SOD2: variants seen among roughly 807,000 people sequenced by gnomAD.
SOD2 encodes the protein superoxide dismutase [Mn], mitochondrial.
A neutral mutation model predicts 27.0 loss-of-function variants in SOD2; 11 were observed. The observed-to-expected ratio is 0.41, with a 90% CI of 0.26 to 0.67. SOD2 has a LOEUF of 0.67. Ranked by LOEUF, SOD2 falls within the 30% of genes least tolerant of loss-of-function variation. The pLI is 0.34. For synonymous variants in SOD2, 105 were observed against 103.0 expected, an observed-to-expected ratio of 1.02 and a Z score of -0.12; for missense variants, 250 against 274.5, an observed-to-expected ratio of 0.91 and a Z score of 0.63.
chr6:159,751,008 G>A lies in SOD2; in HGVS notation c.-335-2332C>T, dbSNP rs1202264868. ...CAGTTAAAATATTTCATTCATGTGA[G>A]AATGCACACATTTTAGAGTGTTTAG... On this transcript the variant is annotated intron_variant, in intron 1 of 7. Coordinates refer to the SOD2 transcript ENST00000546087. Among the ~76,000 whole-genome samples the A allele has an allele frequency of 2.6e-5, 4 of 152,352 alleles. No individual in the cohort carries two copies. The South Asian group carries it at 6.2e-4, about 24-fold the overall frequency.
At chr6:159,724,653 G>A (rs1387545870) in intron 1 of SOD2, among the ~76,000 whole-genome samples, 11 of 151,912 alleles carry the variant, frequency 7.2e-5, no homozygotes, top group Admixed American at 7.2e-4. Flanking sequence ...GAGCCCAGGA[G>A]TTCAAGACCA....
intron 1 of SOD2, chr6:159,738,850 TAATAA>T: frequency 1.9e-6 from 1 of 530,074 alleles, no homozygotes; most frequent in East Asian, 3.4e-5. Context: ...AAAACTTTTG[TAATAA>T]AATACTTTTT....
At chr6:159,682,696 C>A in intron 4 of SOD2, 58 bp from the exon 5 acceptor site, 6 of 1,503,018 alleles carry the variant, frequency 4.0e-6, no homozygotes, top group Non-Finnish European at 5.4e-6. Context: ...AACATTGCAT[C>A]TTCTCAATTT....
intron 1 of SOD2, among the ~76,000 whole-genome samples, chr6:159,721,014 C>T (rs1778028288): frequency 7.2e-6 from 1 of 139,362 alleles, no homozygotes; most frequent in African/African-American, 2.6e-5. Flanking sequence ...TGCCACTGCA[C>T]CCGACTATTT....
At chr6:159,708,999 AAAAC>A (rs1355709765) in intron 1 of SOD2, among the ~76,000 whole-genome samples, 1 of 152,256 alleles carries the variant, frequency 6.6e-6, no homozygotes, top group Non-Finnish European at 1.5e-5. Context: ...AAACCTGACA[AAAAC>A]AAGCAATGGG....
upstream of SOD2, among the ~76,000 whole-genome samples, chr6:159,696,693 ATTTAGGTACAAGGCT>A (rs1356189029): frequency 6.6e-6 from 1 of 152,094 alleles, no homozygotes; most frequent in African/African-American, 2.4e-5. Flanking sequence ...ACTGGTCAAA[ATTTAGGTACAAGGCT>A]ACCTAGCACA....
chr6:159,727,718 G>A, upstream of SOD2: 1 of 985,546 alleles, frequency 1.0e-6, no homozygotes, highest in Non-Finnish European at 1.2e-6. Flanking sequence ...GCGCGGGCCG[G>A]CTGGCGGGAG....
intron 1 of SOD2, chr6:159,755,619 T>G (rs770408749): frequency 1.3e-6 from 2 of 1,579,682 alleles, no homozygotes; most frequent in Non-Finnish European, 1.7e-6. Context: ...TAATATTTTT[T>G]CAGCAAATTT....
At chr6:159,699,380 C>G (rs1404368326) in intron 1 of SOD2, among the ~76,000 whole-genome samples, 1 of 152,142 alleles carries the variant, frequency 6.6e-6, no homozygotes, top group African/African-American at 2.4e-5. Flanking sequence ...CTCATTCTTC[C>G]CAACCTAGTC....
rs1342166384 is a variant in SOD2, at chr6:159,676,248, T to C, written c.*6245A>G. On this transcript the variant is annotated 3_prime_UTR_variant, in exon 5 of 5. Coordinates refer to ENST00000538183, the MANE Select transcript of SOD2 (RefSeq NM_000636.4). ...TTGACCCAGCCATCCCATTACTGGGTATATACCCAAAGGATTATAAATCAT... is the reference window on the plus strand; with the variant it reads ...TTGACCCAGCCATCCCATTACTGGGCATATACCCAAAGGATTATAAATCAT... 6.6e-6 allele frequency: 1 copy of C among 152,182 alleles called. No homozygotes were observed. Among genetic ancestry groups the C allele is most frequent in the Non-Finnish European group, 1.5e-5 (1 of 68,048 alleles). The allele number at this position is 152,182 out of a possible 1,614,324, so 9.4% of individuals were successfully genotyped here. A position where few individuals can be genotyped will look rare whatever the true frequency, so the allele number is the denominator to read the frequency against.
chr6:159,694,586 T>A (rs1217501066), upstream of SOD2, among the ~76,000 whole-genome samples: 1 of 152,058 alleles, frequency 6.6e-6, no homozygotes, highest in Admixed American at 6.6e-5. Flanking sequence ...ATACTCTTAT[T>A]TTTTTAATTT....
chr6:159,745,789 C>CA (rs1368882063), upstream of SOD2, among the ~76,000 whole-genome samples: 1 of 152,054 alleles, frequency 6.6e-6, no homozygotes, highest in African/African-American at 2.4e-5. Context: ...GCAGGAAAAC[C>CA]AATTGTGAGG....
At chr6:159,731,349 T>C (rs1043908484), upstream of SOD2, among the ~76,000 whole-genome samples, 4 of 151,526 alleles carry the variant, frequency 2.6e-5, no homozygotes, top group African/African-American at 9.7e-5. Context: ...ATGCCTGTGA[T>C]CCCAGCTACA....
intron 1 of SOD2, chr6:159,739,152 C>T: frequency 3.4e-6 from 3 of 885,158 alleles, no homozygotes; most frequent in Middle Eastern, 2.8e-4. Context: ...GTTGTTCTAT[C>T]CTCAAATAAT....
intron 1 of SOD2, among the ~76,000 whole-genome samples, chr6:159,710,590 T>C (rs1321776040): frequency 1.3e-5 from 2 of 152,162 alleles, no homozygotes; most frequent in Admixed American, 6.5e-5. Context: ...TGCTTTTATA[T>C]CTGGAGTAGC....
exon 1 of SOD2, chr6:159,761,785 G>A (rs1407415117): frequency 7.9e-6 from 2 of 252,912 alleles, no homozygotes; most frequent in East Asian, 2.4e-4. Flanking sequence ...CTCTGTAAAT[G>A]CGTCCGAGGT....
chr6:159,688,413 A>G (rs1780295075), intron 2 of SOD2, 171 bp from the exon 3 acceptor site: 1 of 559,298 alleles, frequency 1.8e-6, no homozygotes, highest in Non-Finnish European at 3.2e-6. Context: ...TGTCCCAGAC[A>G]TGCTGAACAA....
At chr6:159,732,336 T>A (rs77503980), upstream of SOD2, among the ~76,000 whole-genome samples, 2,454 of 152,240 alleles carry the variant, frequency 0.016, 76 homozygotes, top group African/African-American at 0.056. Context: ...AGTAACTAGA[T>A]AAAAGGTATA....
Position 159,693,128 on chromosome 6 carries a change from G to T in SOD2, c.23+17C>A. 6.5e-7 allele frequency: 1 copy of T among 1,529,318 alleles called. No individual in the cohort carries two copies. The highest frequency in any genetic ancestry group is 8.8e-7 in the Non-Finnish European group (1 of 1,138,684). The allele number at this position is 1,529,318 out of a possible 1,614,324, so 94.7% of individuals were successfully genotyped here. On this transcript the variant is annotated intron_variant, in intron 1 of 4. Transcript: ENST00000538183. ...CCTTCGCCCTTGGGGCCGTGACCGG[G>T]TCCCCTTTCTTCTCACCCGCACACT... is the stretch of plus-strand genomic sequence containing the variant.
Sources: gnomAD v4.1 joint callset for allele counts (sites outside exome capture counted in the v4.1 genomes callset) on GRCh38, gnomAD v4.1.1 for gene constraint, MANE v1.5 for transcripts, NCBI Gene and HGNC (gene_info 2026-07-23, HGNC 2026-07-21) for gene names.